DCTN5: variants seen among roughly 807,000 people sequenced by gnomAD.
DCTN5 encodes the protein dynactin 4.
Under a neutral mutation model 23.5 loss-of-function variants are expected in DCTN5, and 14 were observed. The observed-to-expected ratio is 0.60, with a 90% CI of 0.39 to 0.93. The LOEUF (loss-of-function observed/expected upper bound fraction) is 0.93. Ranked by LOEUF, DCTN5 falls within the 40% of genes least tolerant of loss-of-function variation. The pLI is 0.00. For synonymous variants in DCTN5, 67 were observed against 79.6 expected, an observed-to-expected ratio of 0.84 and a Z score of 0.84; for missense variants, 156 against 225.9, an observed-to-expected ratio of 0.69 and a Z score of 1.98.
intron 2 of DCTN5, among the ~76,000 whole-genome samples, chr16:23,652,853 T>G (rs1160000296): frequency 6.6e-6 from 1 of 152,172 alleles, no homozygotes; most frequent in South Asian, 2.1e-4. Flanking sequence ...AAAGATAAGA[T>G]TGGTTTTGGC....
At chr16:23,642,856 T>C in intron 1 of DCTN5, 99 bp from the exon 2 acceptor site, 1 of 1,043,782 alleles carries the variant, frequency 9.6e-7, no homozygotes, top group Admixed American at 1.7e-5. Flanking sequence ...CACCCCACTT[T>C]ATGTTTTTTT....
chr16:23,655,959 T>C (rs1242082056), intron 2 of DCTN5, among the ~76,000 whole-genome samples: 1 of 152,158 alleles, frequency 6.6e-6, no homozygotes, highest in East Asian at 1.9e-4. Context: ...GCATGGTGGC[T>C]CACAATTGGA....
chr16:23,652,393 A>G (rs1210881086), intron 2 of DCTN5, among the ~76,000 whole-genome samples: 1 of 152,212 alleles, frequency 6.6e-6, no homozygotes, highest in Admixed American at 6.5e-5. Context: ...CCTATTGTAA[A>G]TTCTCTTTGT....
chr16:23,645,115 ATATATATATATATATATATATATT>A lies in DCTN5; in HGVS notation c.117+2094_117+2117del, dbSNP rs1332184903. On this transcript the variant is annotated intron_variant, in intron 2 of 5. Coordinates refer to ENST00000300087, the MANE Select transcript of DCTN5 (RefSeq NM_032486.4). The stretch of plus-strand genomic sequence containing the variant: ...TATATATATATATATATATATATAT[ATATATATATATATATATATATATT>A]TTTTTTTTTTTTAATACGCAGTTTT... Among the ~76,000 whole-genome samples, 114 of 35,354 alleles carry A rather than the reference ATATATATATATATATATATATATT, an allele frequency of 3.2e-3. 8 individuals are homozygous for A. The highest frequency in any genetic ancestry group is 0.012 in the African/African-American group (100 of 8,616). The allele number at this position is 35,354 out of a possible 152,430, so 23.2% of individuals were successfully genotyped here. A position where few individuals can be genotyped will look rare whatever the true frequency, so the allele number is the denominator to read the frequency against.
rs1348790440 is a variant in DCTN5, at chr16:23,650,923, T to G, written c.118-7584T>G. On this transcript the variant is annotated intron_variant, in intron 2 of 5. Transcript: ENST00000300087. ...TCTAAGCCCAAGCTGGTTGTTACTG[T>G]GTGGGAATACAGGCCCACGTGGCAA... 8.6e-6 allele frequency: 12 copies of G among 1,400,534 alleles called. No homozygotes were observed. The East Asian group carries it at 2.7e-4, about 32-fold the overall frequency. The allele number at this position is 1,400,534 out of a possible 1,614,324, so 86.8% of individuals were successfully genotyped here.
At chr16:23,662,197 G>T (rs949382765) in intron 4 of DCTN5, among the ~76,000 whole-genome samples, 3 of 152,116 alleles carry the variant, frequency 2.0e-5, no homozygotes, top group Non-Finnish European at 4.4e-5. Flanking sequence ...CAGTCTAATG[G>T]GAGTAAGGAA....
chr16:23,665,690 C>G lies in DCTN5; in HGVS notation c.413C>G (p.Thr138Ser). ...GACAACACAGTATTACCTCCAGAAA[C>G]TGTGGTTCCACCATTCACTGTCTTC... is the stretch of plus-strand genomic sequence containing the variant. ...ILDNTVLPPE[T>S]VVPPFTVFSG... The change falls in exon 5 of 6, where the codon ACT becomes AGT. Residue 138 changes from threonine to serine, a missense_variant. Physicochemically the swap from Thr to Ser is moderately conservative, Grantham distance 58 (BLOSUM62 1). Around this residue, in one of 2 missense-constraint regions of DCTN5, gnomAD observed 153 missense variants for 206.8 expected, o/e 0.74. Coordinates refer to ENST00000300087, the MANE Select transcript of DCTN5 (RefSeq NM_032486.4). 6.2e-7 allele frequency: 1 copy of G among 1,614,160 alleles called. No individual in the cohort carries two copies. Among genetic ancestry groups the G allele is most frequent in the Non-Finnish European group, 8.5e-7 (1 of 1,180,010 alleles).
rs1967897163 is a variant in DCTN5, at chr16:23,665,887, T to C, written c.451+159T>C. 3 of 624,152 alleles carry C rather than the reference T, an allele frequency of 4.8e-6. No individual in the cohort carries two copies. In the South Asian group the frequency reaches 6.1e-5, roughly 13 times the overall value. The allele number at this position is 624,152 out of a possible 1,614,324, so 38.7% of individuals were successfully genotyped here. A position where few individuals can be genotyped will look rare whatever the true frequency, so the allele number is the denominator to read the frequency against. Reference sequence around the variant, plus strand: ...AAGTACCTAGAAATGCTACCTAACATATAACAAGCATCTGTTTAAATGCAT... The same window carrying C: ...AAGTACCTAGAAATGCTACCTAACACATAACAAGCATCTGTTTAAATGCAT... On this transcript the variant is annotated intron_variant, in intron 5 of 5. Transcript: ENST00000300087.
rs1226129046 is a variant in DCTN5 at position 23,672,426 on chromosome 16, C to G, written c.*5282C>G. 2 of 152,218 alleles carry G rather than the reference C, an allele frequency of 1.3e-5. No individual in the cohort carries two copies. The highest frequency in any genetic ancestry group is 2.9e-5 in the Non-Finnish European group (2 of 68,044). 9.4% of individuals were successfully genotyped at this position (152,218 alleles called of 1,614,324 possible). A position where few individuals can be genotyped will look rare whatever the true frequency, so the allele number is the denominator to read the frequency against. ...GATTAAGTACTTTCCCAAGGTCATA[C>G]AGCTAGTGATGGAGGAGCTAGCATT... On this transcript the variant is annotated 3_prime_UTR_variant, in exon 6 of 6. Coordinates refer to ENST00000300087, the MANE Select transcript of DCTN5 (RefSeq NM_032486.4).
At chr16:23,655,543 ATT>A (rs763639132) in intron 2 of DCTN5, among the ~76,000 whole-genome samples, 1 of 141,708 alleles carries the variant, frequency 7.1e-6, no homozygotes. Flanking sequence ...GCCCTGCTTA[ATT>A]TTTTTTTTTT....
intron 2 of DCTN5, among the ~76,000 whole-genome samples, chr16:23,656,709 A>T (rs1459395597): frequency 6.6e-6 from 1 of 152,120 alleles, no homozygotes; most frequent in African/African-American, 2.4e-5. Context: ...TGCTTTAGAT[A>T]AGATCCATTA....
Position 23,648,011 on chromosome 16 carries a change from A to G in DCTN5, c.117+4988A>G, listed in dbSNP as rs566301967. On this transcript the variant is annotated intron_variant, in intron 2 of 5. Coordinates refer to ENST00000300087, the MANE Select transcript of DCTN5 (RefSeq NM_032486.4). ...CCTATTTTTGCCACCCTCCAAGAGAAAACCGCTGTCCTGATTTTGTGTCTT... is the reference window on the plus strand; with the variant it reads ...CCTATTTTTGCCACCCTCCAAGAGAGAACCGCTGTCCTGATTTTGTGTCTT... 3.3e-5 allele frequency among the ~76,000 whole-genome samples: 5 copies of G among 152,300 alleles called. No homozygotes were observed. The South Asian group carries it at 1.0e-3, about 32-fold the overall frequency.
intron 2 of DCTN5, among the ~76,000 whole-genome samples, chr16:23,653,921 A>AATG (rs1158510738): frequency 6.6e-6 from 1 of 152,218 alleles, no homozygotes; most frequent in Non-Finnish European, 1.5e-5. Context: ...GAAGAAATAC[A>AATG]ATAATCATGA....
intron 2 of DCTN5, chr16:23,651,286 CTTCT>C: frequency 2.5e-6 from 2 of 799,550 alleles, no homozygotes; most frequent in Non-Finnish European, 3.0e-6. Flanking sequence ...GGGCAGCCAC[CTTCT>C]TTCTTTTTAA....
chr16:23,662,767 G>T (rs1330807179), intron 4 of DCTN5, among the ~76,000 whole-genome samples: 2 of 152,172 alleles, frequency 1.3e-5, no homozygotes, highest in Non-Finnish European at 2.9e-5. Context: ...TTCCAGCTGG[G>T]GGTTTCTGAT....
Position 23,665,634 on chromosome 16 carries a change from A to G in DCTN5, c.357A>G (p.Arg119=). Residue 119 remains arginine (R), a synonymous_variant, in exon 5 of 6, where the codon CGA becomes CGG. Transcript: ENST00000300087. ...HVGKNCVIGR[R]CVLKDCCKIL... is the part of the protein sequence containing the mutation. ...CAAGATTTTAATTTCAGGGGCGCCG[A>G]TGTGTGTTGAAAGACTGCTGCAAAA... is the stretch of plus-strand genomic sequence containing the variant. 1.9e-6 allele frequency: 3 copies of G among 1,612,982 alleles called. No homozygotes were observed. The highest frequency in any genetic ancestry group is 1.1e-5 in the South Asian group (1 of 90,730).
At chr16:23,657,748 A>G (rs985798009) in intron 2 of DCTN5, among the ~76,000 whole-genome samples, 4 of 152,064 alleles carry the variant, frequency 2.6e-5, no homozygotes, top group South Asian at 4.1e-4. Context: ...GGCCAGAAAA[A>G]ATTTTTTAAT....
intron 2 of DCTN5, among the ~76,000 whole-genome samples, chr16:23,644,276 C>T (rs573223493): frequency 4.6e-5 from 7 of 151,116 alleles, no homozygotes; most frequent in Non-Finnish European, 1.0e-4. Flanking sequence ...TACAGGCTCC[C>T]GCCATCATGC....
chr16:23,644,667 C>G (rs1967386050), intron 2 of DCTN5, among the ~76,000 whole-genome samples: 1 of 151,404 alleles, frequency 6.6e-6, no homozygotes, highest in Non-Finnish European at 1.5e-5. Context: ...AACTCCTCAC[C>G]TCAGATGATC....
Sources: gnomAD v4.1 joint callset for allele counts (sites outside exome capture counted in the v4.1 genomes callset) on GRCh38, gnomAD v4.1.1 for gene constraint, gnomAD v4.1.1 regional missense constraint, MANE v1.5 for transcripts, NCBI Gene and HGNC (gene_info 2026-07-23, HGNC 2026-07-21) for gene names.